The following GATAD2B variants were observed in gnomAD, a reference collection of about 807,000 sequenced individuals.
GATAD2B encodes the protein transcriptional repressor p66-beta.
GATAD2B carries 8 observed loss-of-function variants against 64.3 expected under a neutral mutation model. The observed-to-expected ratio is 0.12, with a 90% CI of 0.07 to 0.22. The LOEUF (loss-of-function observed/expected upper bound fraction) is 0.22. GATAD2B is among the 10% of genes least tolerant of loss of function. The pLI is 1.00. For synonymous variants in GATAD2B, 281 were observed against 271.3 expected, an observed-to-expected ratio of 1.04 and a Z score of -0.35; for missense variants, 453 against 752.0, an observed-to-expected ratio of 0.60 and a Z score of 4.65.
In GATAD2B at chr1:153,818,556, C is replaced by T. The variant is rs551116410; in HGVS notation, c.597+235G>A. Among the ~76,000 whole-genome samples the T allele has an allele frequency of 9.1e-4, 139 of 151,992 alleles. 1 individual carries two copies. Among genetic ancestry groups the T allele is most frequent in the Admixed American group, 2.3e-3 (35 of 15,254 alleles). On this transcript the variant is annotated intron_variant, in intron 4 of 10. Transcript: ENST00000368655. ...CTCTCGATCTCCTGACCTCGTGATC[C>T]ACCCGCCTCGGCCTCCCAAAGTGCT...
chr1:153,875,550 T>G (rs141683371), intron 1 of GATAD2B, among the ~76,000 whole-genome samples: 45 of 152,226 alleles, frequency 3.0e-4, no homozygotes, highest in Admixed American at 7.9e-4. Flanking sequence ...GGGCAAGTAC[T>G]AAACTCTGCT....
In GATAD2B at chr1:153,811,653, C is replaced by A. The variant is rs879248356; in HGVS notation, c.1648+78G>T. The A allele has an allele frequency of 1.4e-4, 120 of 856,352 alleles. 1 individual carries two copies. In the South Asian group the frequency reaches 1.6e-3, roughly 12 times the overall value. 53.0% of individuals were successfully genotyped at this position (856,352 alleles called of 1,614,324 possible). A position where few individuals can be genotyped will look rare whatever the true frequency, so the allele number is the denominator to read the frequency against. On this transcript the variant is annotated intron_variant, in intron 10 of 10. Transcript: ENST00000368655. ...GAACAGAAAGTAAAGGAACAATTCC[C>A]TTAAAGGGGCTGCTACAGAACTGTA...
chr1:153,920,882 CA>C (rs1409861578), intron 1 of GATAD2B, among the ~76,000 whole-genome samples: 1 of 152,120 alleles, frequency 6.6e-6, no homozygotes, highest in Non-Finnish European at 1.5e-5. Context: ...ACAGCCTTAC[CA>C]TCAACTAGTT....
intron 1 of GATAD2B, among the ~76,000 whole-genome samples, chr1:153,878,764 T>C (rs1036114648): frequency 2.8e-5 from 4 of 142,706 alleles, no homozygotes; most frequent in African/African-American, 1.0e-4. Context: ...GTGTGACCCA[T>C]ACTTTATTCC....
intron 1 of GATAD2B, chr1:153,852,366 C>G (rs943130046): frequency 1.2e-6 from 1 of 859,104 alleles, no homozygotes; most frequent in Admixed American, 1.7e-5. Context: ...CGCCTGCCAT[C>G]ACCCTCATAT....
chr1:153,896,292 A>T (rs1194923279), intron 1 of GATAD2B, among the ~76,000 whole-genome samples: 1 of 152,190 alleles, frequency 6.6e-6, no homozygotes, highest in East Asian at 1.9e-4. Context: ...CTGAATCAAA[A>T]GCACCACTCA....
At chr1:153,848,110 A>T (rs1379783940) in intron 1 of GATAD2B, among the ~76,000 whole-genome samples, 3 of 151,964 alleles carry the variant, frequency 2.0e-5, no homozygotes, top group Non-Finnish European at 4.4e-5. Context: ...CCCTCACCAT[A>T]CCAACTTGGT....
intron 1 of GATAD2B, among the ~76,000 whole-genome samples, chr1:153,863,959 G>A (rs956519857): frequency 1.3e-5 from 2 of 152,088 alleles, no homozygotes; most frequent in South Asian, 2.1e-4. Flanking sequence ...AAAGTAGAAC[G>A]GATGTAGGCT....
chr1:153,913,291 G>GA (rs1044200546), intron 1 of GATAD2B, among the ~76,000 whole-genome samples: 10 of 151,652 alleles, frequency 6.6e-5, no homozygotes, highest in Admixed American at 2.0e-4. Context: ...TAAAGGACTG[G>GA]AAAAAAAATA....
chr1:153,817,273 T>A (rs538695262), intron 6 of GATAD2B, 99 bp downstream of exon 6: 2 of 1,143,794 alleles, frequency 1.7e-6, no homozygotes, highest in Non-Finnish European at 2.4e-6. Flanking sequence ...GTCCTAGAGT[T>A]TATCTATGTA....
intron 10 of GATAD2B, 36 bp downstream of exon 10, chr1:153,811,695 A>G: frequency 8.0e-7 from 1 of 1,243,288 alleles, no homozygotes; most frequent in Non-Finnish European, 1.2e-6. Context: ...CTAACAGCTG[A>G]CCCATGAGAA....
At chr1:153,891,662 T>G (rs1477542613) in intron 1 of GATAD2B, among the ~76,000 whole-genome samples, 24 of 41,652 alleles carry the variant, frequency 5.8e-4, no homozygotes, top group African/African-American at 1.5e-3. Context: ...GAGGTAAGTA[T>G]GGGGGGGGGG....
intron 1 of GATAD2B, among the ~76,000 whole-genome samples, chr1:153,892,474 C>A (rs914099849): frequency 6.6e-6 from 1 of 152,070 alleles, no homozygotes; most frequent in African/African-American, 2.4e-5. Context: ...TCATCACTCA[C>A]CTAGAACTCT....
At chr1:153,853,000 T>C (rs1470770059) in intron 1 of GATAD2B, 4 of 1,120,698 alleles carry the variant, frequency 3.6e-6, no homozygotes, top group East Asian at 2.4e-5. Flanking sequence ...CACTACCCCT[T>C]TGGTCTTGTC....
At chr1:153,902,744 C>A (rs1436263804) in intron 1 of GATAD2B, among the ~76,000 whole-genome samples, 1 of 152,192 alleles carries the variant, frequency 6.6e-6, no homozygotes, top group East Asian at 1.9e-4. Context: ...GTGTGAGCCA[C>A]CAAGCCCAGC....
intron 7 of GATAD2B, among the ~76,000 whole-genome samples, chr1:153,815,906 A>C (rs1674465110): frequency 6.6e-6 from 1 of 152,102 alleles, no homozygotes; most frequent in South Asian, 2.1e-4. Flanking sequence ...TACAAAAATT[A>C]ACCGGGTGTG....
chr1:153,808,770 T>C lies in GATAD2B; in HGVS notation c.*1407A>G, dbSNP rs1674184938. 6.9e-6 allele frequency: 1 copy of C among 145,222 alleles called. No homozygotes were observed. Among genetic ancestry groups the C allele is most frequent in the East Asian group, 2.0e-4 (1 of 4,918 alleles). 9.0% of individuals were successfully genotyped at this position (145,222 alleles called of 1,614,324 possible). ...TCCCCAGAACAGCAACATTGCACAATTCAATTCATTCTCTACATTAGTAGC... is the reference window on the plus strand; with the variant it reads ...TCCCCAGAACAGCAACATTGCACAACTCAATTCATTCTCTACATTAGTAGC... On this transcript the variant is annotated 3_prime_UTR_variant, in exon 11 of 11. Transcript: ENST00000368655.
At chr1:153,845,266 A>G (rs1675642566) in intron 1 of GATAD2B, among the ~76,000 whole-genome samples, 1 of 152,122 alleles carries the variant, frequency 6.6e-6, no homozygotes, top group South Asian at 2.1e-4. Flanking sequence ...TGATTTTTCA[A>G]CAAGGGTGCC....
intron 1 of GATAD2B, chr1:153,852,400 T>G: frequency 2.5e-6 from 2 of 800,442 alleles, no homozygotes; most frequent in Non-Finnish European, 4.5e-6. Context: ...TTGGATGTTC[T>G]GTGGTCATCA....
Sources: gnomAD v4.1 joint callset for allele counts (sites outside exome capture counted in the v4.1 genomes callset) on GRCh38, gnomAD v4.1.1 for gene constraint, MANE v1.5 for transcripts, NCBI Gene and HGNC (gene_info 2026-07-23, HGNC 2026-07-21) for gene names.